ITGBL1: variants seen among roughly 807,000 people sequenced by gnomAD.
ITGBL1 encodes integrin subunit beta like 1, also known as integrin beta-like protein 1.
ITGBL1 carries 51 observed loss-of-function variants against 68.5 expected under a neutral mutation model. That is an observed-to-expected ratio of 0.74 (90% confidence interval 0.59 to 0.94). The LOEUF (loss-of-function observed/expected upper bound fraction) is 0.94. ITGBL1 is among the 40% of genes least tolerant of loss of function. The probability of loss-of-function intolerance (pLI) is 0.00; values close to 1 mark genes in which losing one functional copy is unlikely to be tolerated. For missense variants in ITGBL1, 649 were observed against 647.4 expected, an observed-to-expected ratio of 1.00 and a Z score of -0.03; for synonymous variants, 209 against 227.3, an observed-to-expected ratio of 0.92 and a Z score of 0.72.
intron 7 of ITGBL1, among the ~76,000 whole-genome samples, chr13:101,692,093 C>T (rs927382825): frequency 6.6e-6 from 1 of 152,020 alleles, no homozygotes; most frequent in African/African-American, 2.4e-5. Flanking sequence ...GTTCTATGAA[C>T]TATAAAATTG....
intron 7 of ITGBL1, among the ~76,000 whole-genome samples, chr13:101,649,684 G>A (rs1410454775): frequency 6.6e-6 from 1 of 152,040 alleles, no homozygotes; most frequent in African/African-American, 2.4e-5. Flanking sequence ...AAGAGCCTTT[G>A]GCTGCTCTTA....
At chr13:101,682,753 ATTG>A (rs1422420931) in intron 7 of ITGBL1, among the ~76,000 whole-genome samples, 14 of 151,896 alleles carry the variant, frequency 9.2e-5, no homozygotes, top group Middle Eastern at 3.4e-3. Context: ...GTCCTTGTTT[ATTG>A]TTTATATTTT....
At chr13:101,546,802 GAGAT>G (rs1315587033) in intron 2 of ITGBL1, among the ~76,000 whole-genome samples, 2 of 151,862 alleles carry the variant, frequency 1.3e-5, no homozygotes, top group Non-Finnish European at 2.9e-5. Context: ...GACTCAAAAA[GAGAT>G]AGAACATGTT....
chr13:101,522,494 A>G (rs1276571744), intron 2 of ITGBL1, among the ~76,000 whole-genome samples: 1 of 152,186 alleles, frequency 6.6e-6, no homozygotes, highest in Non-Finnish European at 1.5e-5. Flanking sequence ...GAGAAGAAAT[A>G]TACCTTGATC....
chr13:101,637,613 G>A (rs1210397738), intron 7 of ITGBL1, among the ~76,000 whole-genome samples: 1 of 152,162 alleles, frequency 6.6e-6, no homozygotes, highest in African/African-American at 2.4e-5. Context: ...AAAGTGCTGG[G>A]ATTACAGGCG....
At chr13:101,527,211 A>G (rs372298521) in intron 2 of ITGBL1, among the ~76,000 whole-genome samples, 15 of 152,244 alleles carry the variant, frequency 9.9e-5, no homozygotes, top group East Asian at 9.6e-4. Flanking sequence ...ACAAAACAAT[A>G]TCATCATCTC....
chr13:101,546,589 CAT>C (rs151207083), intron 2 of ITGBL1, among the ~76,000 whole-genome samples: 3,442 of 152,068 alleles, frequency 0.023, 118 homozygotes, highest in African/African-American at 0.078. Flanking sequence ...CTAACAAACT[CAT>C]AACAGAACAA....
rs565097052 is a variant in ITGBL1 at position 101,493,621 on chromosome 13, C to T, written c.316+39521C>T. 6.6e-5 allele frequency among the ~76,000 whole-genome samples: 10 copies of T among 152,250 alleles called. 1 individual carries two copies. The East Asian group carries it at 1.2e-3, about 18-fold the overall frequency. Reference sequence around the variant, plus strand: ...TGCCTTCATCACCTGTTCATCCTGCCAATATATTTTCCACATCTGTCCTCC... The same window carrying T: ...TGCCTTCATCACCTGTTCATCCTGCTAATATATTTTCCACATCTGTCCTCC... On this transcript the variant is annotated intron_variant, in intron 2 of 10. Transcript: ENST00000376180.
chr13:101,657,438 C>T (rs2032961157), intron 7 of ITGBL1, among the ~76,000 whole-genome samples: 1 of 152,078 alleles, frequency 6.6e-6, no homozygotes, highest in Non-Finnish European at 1.5e-5. Flanking sequence ...CACTTGACTC[C>T]TCAAGTGCCC....
chr13:101,611,026 C>G (rs1019668737), intron 7 of ITGBL1, among the ~76,000 whole-genome samples: 3 of 152,026 alleles, frequency 2.0e-5, no homozygotes, highest in Admixed American at 2.0e-4. Flanking sequence ...GTGTAAAGAA[C>G]AGGAAGCATA....
intron 2 of ITGBL1, among the ~76,000 whole-genome samples, chr13:101,470,290 A>G (rs2048439365): frequency 6.6e-6 from 1 of 152,148 alleles, no homozygotes; most frequent in Non-Finnish European, 1.5e-5. Context: ...CTTGAAAGAT[A>G]GTATAATATA....
intron 7 of ITGBL1, among the ~76,000 whole-genome samples, chr13:101,655,884 A>G (rs2032905254): frequency 6.6e-6 from 1 of 152,232 alleles, no homozygotes; most frequent in Non-Finnish European, 1.5e-5. Context: ...ATTTATTCTG[A>G]GCCAAATATG....
intron 7 of ITGBL1, among the ~76,000 whole-genome samples, chr13:101,605,777 C>T (rs920801495): frequency 1.1e-4 from 4 of 36,570 alleles, no homozygotes; most frequent in African/African-American, 4.0e-4. Context: ...CGTGTGTAGG[C>T]ATATGTATGT....
chr13:101,600,338 C>T (rs879313800), intron 7 of ITGBL1, among the ~76,000 whole-genome samples: 2 of 152,258 alleles, frequency 1.3e-5, no homozygotes, highest in South Asian at 4.1e-4. Flanking sequence ...AGATTTTGGG[C>T]TGAGACAATG....
rs2048391146 is a variant in ITGBL1 at position 101,467,038 on chromosome 13, C to G, written c.316+12938C>G. On this transcript the variant is annotated intron_variant, in intron 2 of 10. Coordinates refer to ENST00000376180, the MANE Select transcript of ITGBL1 (RefSeq NM_004791.3). ...TCATTTTCAGCTTCCTGGATGGCAA[C>G]TGTATCCTCACATGTTGGAAGGGGT... 2.6e-5 allele frequency among the ~76,000 whole-genome samples: 4 copies of G among 152,142 alleles called. No individual in the cohort carries two copies. In the South Asian group the frequency reaches 8.3e-4, roughly 32 times the overall value.
chr13:101,544,447 G>A (rs1232640548), intron 2 of ITGBL1, among the ~76,000 whole-genome samples: 1 of 152,116 alleles, frequency 6.6e-6, no homozygotes, highest in Non-Finnish European at 1.5e-5. Context: ...GCCGTGTGAG[G>A]TGTCAGTCTG....
At position 101,658,151 on chromosome 13, in the gene ITGBL1, T is replaced by G. The variant is rs115130226; in HGVS notation, c.1016-34434T>G. ...TACTTTGGCTGGTACCAAATATGTA[T>G]GCTCCTTTTAAGAAACAATGCCATA... On this transcript the variant is annotated intron_variant, in intron 7 of 10. Coordinates refer to ENST00000376180, the MANE Select transcript of ITGBL1 (RefSeq NM_004791.3). 3.4e-3 allele frequency among the ~76,000 whole-genome samples: 513 copies of G among 152,330 alleles called. 4 individuals are homozygous for G. The highest frequency in any genetic ancestry group is 0.012 in the African/African-American group (496 of 41,578).
At chr13:101,696,505 C>A (rs2034005375) in intron 8 of ITGBL1, among the ~76,000 whole-genome samples, 1 of 152,090 alleles carries the variant, frequency 6.6e-6, no homozygotes, top group Non-Finnish European at 1.5e-5. Flanking sequence ...TGGAACATAT[C>A]CCTTGGGTAT....
At chr13:101,631,404 G>T (rs1041695540) in intron 7 of ITGBL1, among the ~76,000 whole-genome samples, 1 of 151,662 alleles carries the variant, frequency 6.6e-6, no homozygotes, top group Non-Finnish European at 1.5e-5. Context: ...ATGTAAAAAT[G>T]ATTTGTAGAT....
Sources: gnomAD v4.1 joint callset for allele counts (sites outside exome capture counted in the v4.1 genomes callset) on GRCh38, gnomAD v4.1.1 for gene constraint, MANE v1.5 for transcripts, NCBI Gene and HGNC (gene_info 2026-07-23, HGNC 2026-07-21) for gene names.